The following RBAK variants were observed in gnomAD, a reference collection of about 807,000 sequenced individuals.
The protein encoded by RBAK is RB-associated KRAB zinc finger protein.
Under a neutral mutation model 65.8 loss-of-function variants are expected in RBAK, and 39 were observed. The observed-to-expected ratio is 0.59, with a 90% CI of 0.46 to 0.77. The LOEUF is 0.77. Ranked by LOEUF, RBAK falls within the 30% of genes least tolerant of loss-of-function variation. The pLI is 0.00. For synonymous variants in RBAK, 343 were observed against 289.7 expected, an observed-to-expected ratio of 1.18 and a Z score of -1.87; for missense variants, 884 against 855.1, an observed-to-expected ratio of 1.03 and a Z score of -0.42.
At chr7:5,063,224 A>G (rs1389416164) in intron 4 of RBAK, among the ~76,000 whole-genome samples, 1 of 152,166 alleles carries the variant, frequency 6.6e-6, no homozygotes, top group Admixed American at 6.5e-5. Flanking sequence ...TTAACAATCC[A>G]TGTTCTTCTG....
In RBAK at chr7:5,054,323, G is replaced by A. The variant is rs577974032; in HGVS notation, c.16-2972G>A. On this transcript the variant is annotated intron_variant, in intron 2 of 4. Transcript: ENST00000396912. ...GGGAGACTGAGGCAGGAGAATCGCT[G>A]GAACCCGGGAGACGGAGGTTGCAGT... Among the ~76,000 whole-genome samples, 3 of 151,596 alleles carry A rather than the reference G, an allele frequency of 2.0e-5. No individual in the cohort carries two copies. In the South Asian group the frequency reaches 6.2e-4, roughly 32 times the overall value.
In RBAK at chr7:5,067,196, A is replaced by T. The variant is rs770969287; in HGVS notation, c.*1595A>T. On this transcript the variant is annotated 3_prime_UTR_variant, in exon 5 of 5. Coordinates refer to ENST00000396912, the MANE Select transcript of RBAK (RefSeq NM_021163.4). ...CATTGTTCAGAAGGACCTAACCAGAAAACTAATGCAAGGAAGAGAAACAAA... is the reference window on the plus strand; with the variant it reads ...CATTGTTCAGAAGGACCTAACCAGATAACTAATGCAAGGAAGAGAAACAAA... 32 of 152,218 alleles carry T rather than the reference A, an allele frequency of 2.1e-4. No homozygotes were observed. Among genetic ancestry groups the T allele is most frequent in the Non-Finnish European group, 4.3e-4 (29 of 68,010 alleles). The allele number at this position is 152,218 out of a possible 1,614,324, so 9.4% of individuals were successfully genotyped here.
chr7:5,064,996 A>T lies in RBAK; in HGVS notation c.1540A>T (p.Asn514Tyr), dbSNP rs746779347. The T allele has an allele frequency of 6.2e-7, 1 of 1,614,074 alleles. No homozygotes were observed. Among genetic ancestry groups the T allele is most frequent in the South Asian group, 1.1e-5 (1 of 91,070 alleles). ...AHLEEKPYECNECGKTFLVNS... is the reference protein window; with the variant it reads ...AHLEEKPYECYECGKTFLVNS... ...TTTAGAAGAGAAACCCTATGAATGT[A>T]ATGAATGTGGGAAAACCTTCCTTGT... The change falls in exon 5 of 5, where the codon AAT becomes TAT. Residue 514 changes from asparagine (N) to tyrosine (Y), a missense_variant. Physicochemically the swap from Asn to Tyr is moderately radical, Grantham distance 143. Transcript: ENST00000396912. The surrounding 1 kb of genome is among the most constrained non-coding windows in gnomAD (Gnocchi z 6.3).
chr7:5,047,424 A>C (rs1429704899), intron 1 of RBAK, among the ~76,000 whole-genome samples: 1 of 151,976 alleles, frequency 6.6e-6, no homozygotes, highest in African/African-American at 2.4e-5. Context: ...CACAAAAAAC[A>C]TGAGCTGTAT....
At chr7:5,047,030 C>T (rs1197760951) in intron 1 of RBAK, among the ~76,000 whole-genome samples, 1 of 152,178 alleles carries the variant, frequency 6.6e-6, no homozygotes, top group Non-Finnish European at 1.5e-5. Flanking sequence ...ATTTTATACA[C>T]ATTCATTTCA....
intron 1 of RBAK, among the ~76,000 whole-genome samples, chr7:5,047,202 C>A (rs1016220664): frequency 1.3e-5 from 2 of 152,118 alleles, no homozygotes; most frequent in African/African-American, 2.4e-5. Flanking sequence ...GAGTTAGAGA[C>A]CAGCCTAGGC....
Position 5,068,686 on chromosome 7 carries a change from C to A in RBAK, c.*3085C>A, listed in dbSNP as rs1006470366. On this transcript the variant is annotated 3_prime_UTR_variant, in exon 5 of 5. Coordinates refer to ENST00000396912, the MANE Select transcript of RBAK (RefSeq NM_021163.4). ...GCCAAGCATATGTATACTGTTTTAC[C>A]CAAACCCAGCAAAAATGCATGTGTC... The A allele has an allele frequency of 1.3e-5, 2 of 152,088 alleles. No individual in the cohort carries two copies. Among genetic ancestry groups the A allele is most frequent in the East Asian group, 3.9e-4 (2 of 5,192 alleles). The allele number at this position is 152,088 out of a possible 1,614,324, so 9.4% of individuals were successfully genotyped here. A position where few individuals can be genotyped will look rare whatever the true frequency, so the allele number is the denominator to read the frequency against.
In RBAK at chr7:5,046,204, G is replaced by A; in HGVS notation, c.-237G>A. ...GCTGCCGCTGTACGGTGAGCCCGAGGGAGGCGGATCTGGGTCCCGGGAAGG... is the reference window on the plus strand; with the variant it reads ...GCTGCCGCTGTACGGTGAGCCCGAGAGAGGCGGATCTGGGTCCCGGGAAGG... On this transcript the variant is annotated 5_prime_UTR_variant, in exon 1 of 5. Coordinates refer to ENST00000396912, the MANE Select transcript of RBAK (RefSeq NM_021163.4). 2.0e-6 allele frequency: 1 copy of A among 488,742 alleles called. No individual in the cohort carries two copies. The highest frequency in any genetic ancestry group is 4.1e-6 in the Non-Finnish European group (1 of 246,500). 30.3% of individuals were successfully genotyped at this position (488,742 alleles called of 1,614,324 possible). A position where few individuals can be genotyped will look rare whatever the true frequency, so the allele number is the denominator to read the frequency against.
intron 4 of RBAK, among the ~76,000 whole-genome samples, chr7:5,058,106 G>A (rs1778973696): frequency 6.6e-6 from 1 of 151,946 alleles, no homozygotes; most frequent in South Asian, 2.1e-4. Flanking sequence ...ACAGAATCTT[G>A]TTCTGTCACC....
chr7:5,065,146 G>A lies in RBAK; in HGVS notation c.1690G>A (p.Glu564Lys). 3.1e-6 allele frequency: 5 copies of A among 1,613,972 alleles called. No individual in the cohort carries two copies. Among genetic ancestry groups the A allele is most frequent in the Non-Finnish European group, 4.2e-6 (5 of 1,179,946 alleles). The stretch of plus-strand genomic sequence containing the variant: ...TGAACATTATAGAAGTCATTCAGAA[G>A]AGAAACCTTATGGATGTAGCGAATG... ...YTEHYRSHSE[E>K]KPYGCSECGK... The change falls in exon 5 of 5, where the codon GAG (glutamate) becomes AAG (lysine). Residue 564 changes from glutamate (E) to lysine (K), a missense_variant. Glu to Lys is a moderately conservative substitution (Grantham distance 56, BLOSUM62 1). Coordinates refer to ENST00000396912, the MANE Select transcript of RBAK (RefSeq NM_021163.4). The surrounding 1 kb of genome is among the most constrained non-coding windows in gnomAD (Gnocchi z 5.3).
At chr7:5,047,273 C>T (rs919062014) in intron 1 of RBAK, among the ~76,000 whole-genome samples, 7 of 152,044 alleles carry the variant, frequency 4.6e-5, no homozygotes, top group African/African-American at 9.7e-5. Context: ...CTGGGATGCA[C>T]CTGTGGTCCC....
rs939122485 is a variant in RBAK at position 5,046,096 on chromosome 7, G to GGGAGGTGGC, written c.-333_-325dup. The GGGAGGTGGC allele has an allele frequency of 1.9e-5, 6 of 311,932 alleles. No homozygotes were observed. The highest frequency in any genetic ancestry group is 5.2e-5 in the Admixed American group (1 of 19,200). The allele number at this position is 311,932 out of a possible 1,614,324, so 19.3% of individuals were successfully genotyped here. On this transcript the variant is annotated 5_prime_UTR_variant, in exon 1 of 5. Transcript: ENST00000396912. ...GGCGCTGGGGCCAGAGGGGCCGGAC[G>GGGAGGTGGC]GGAGGTGGCGGAGGTGGCGGCGGAG...
intron 4 of RBAK, among the ~76,000 whole-genome samples, chr7:5,062,454 C>G (rs951216042): frequency 2.0e-5 from 3 of 152,084 alleles, no homozygotes; most frequent in African/African-American, 4.8e-5. Flanking sequence ...GTGTGGGTCA[C>G]AGAGATCACA....
intron 1 of RBAK, among the ~76,000 whole-genome samples, chr7:5,047,016 C>A (rs1405907379): frequency 6.6e-6 from 1 of 152,180 alleles, no homozygotes; most frequent in Non-Finnish European, 1.5e-5. Flanking sequence ...AGAAACAAAA[C>A]CATATTTTAT....
At chr7:5,056,177 AG>A (rs1459376995) in intron 2 of RBAK, among the ~76,000 whole-genome samples, 1 of 146,808 alleles carries the variant, frequency 6.8e-6, no homozygotes. Context: ...TTGCATTCAC[AG>A]CTCACTGCAG....
chr7:5,061,817 G>C (rs1779081168), intron 4 of RBAK, among the ~76,000 whole-genome samples: 1 of 151,842 alleles, frequency 6.6e-6, no homozygotes, highest in South Asian at 2.1e-4. Flanking sequence ...AGATTCGCTT[G>C]AGCCTGAGAA....
Position 5,048,104 on chromosome 7 carries a change from G to A in RBAK, c.15+13G>A, listed in dbSNP as rs770981194. 1.3e-5 allele frequency: 20 copies of A among 1,593,814 alleles called. No homozygotes were observed. The East Asian group carries it at 4.0e-4, about 32-fold the overall frequency. On this transcript the variant is annotated intron_variant, in intron 2 of 4. Transcript: ENST00000396912. The surrounding 1 kb of genome is among the most constrained non-coding windows in gnomAD (Gnocchi z 4.4). ...GAACACATTGCAGGTGAGTTTTCAT[G>A]CTTGTGTATATGTTCCTCAACTTTA...
chr7:5,062,476 G>A (rs925183877), intron 4 of RBAK, among the ~76,000 whole-genome samples: 1 of 152,162 alleles, frequency 6.6e-6, no homozygotes, highest in Non-Finnish European at 1.5e-5. Flanking sequence ...ACTTCACAAG[G>A]TAATAGAATA....
Position 5,063,939 on chromosome 7 carries a change from A to G in RBAK, c.483A>G (p.Lys161=), listed in dbSNP as rs571704440. 3.2e-4 allele frequency: 524 copies of G among 1,614,084 alleles called. 6 individuals are homozygous for G. The South Asian group carries it at 5.5e-3, about 17-fold the overall frequency. The change falls in exon 5 of 5, where the codon AAA becomes AAG. Residue 161 remains lysine (K), a synonymous_variant. Transcript: ENST00000396912. ...ISSDGSYART[K]PDECNECGKT... ...GTGATGGAAGCTATGCTAGGACAAA[A>G]CCTGATGAGTGTAATGAATGTGGGA...
Sources: gnomAD v4.1 joint callset for allele counts (sites outside exome capture counted in the v4.1 genomes callset) on GRCh38, gnomAD v4.1.1 for gene constraint, Gnocchi (gnomAD v3.1) non-coding constraint, MANE v1.5 for transcripts, NCBI Gene and HGNC (gene_info 2026-07-23, HGNC 2026-07-21) for gene names.